Variants in ROR2 observed in about 807,000 individuals in gnomAD.
The protein encoded by ROR2 is tyrosine-protein kinase transmembrane receptor ROR2.
A neutral mutation model predicts 74.9 loss-of-function variants in ROR2; 33 were observed. That is an observed-to-expected ratio of 0.44 (90% CI 0.33 to 0.59). The LOEUF is 0.59. Ranked by LOEUF, ROR2 falls within the 20% of genes least tolerant of loss-of-function variation. The pLI, the probability that ROR2 is intolerant of heterozygous loss-of-function variation, is 0.02. For synonymous variants in ROR2, 586 were observed against 558.7 expected (o/e 1.05, Z -0.69); for missense variants, 1,216 against 1,313.8 (o/e 0.93, Z 1.15).
intron 1 of ROR2, among the ~76,000 whole-genome samples, chr9:91,797,803 C>T (rs1180661312): frequency 2.9e-5 from 1 of 33,960 alleles, no homozygotes; most frequent in Non-Finnish European, 4.9e-5. Flanking sequence ...GTGGGTGGGG[C>T]TGACACCCTG....
At chr9:91,755,632 T>C (rs989958516) in intron 4 of ROR2, among the ~76,000 whole-genome samples, 2 of 152,182 alleles carry the variant, frequency 1.3e-5, no homozygotes, top group African/African-American at 4.8e-5. Flanking sequence ...ATCTGCAAGG[T>C]GGGGTTGAGA....
chr9:91,844,189 C>T (rs769475576), intron 1 of ROR2, among the ~76,000 whole-genome samples: 2 of 152,176 alleles, frequency 1.3e-5, no homozygotes, highest in Non-Finnish European at 1.5e-5. Flanking sequence ...AGTTCCCTAC[C>T]GTTTCTTAAA....
chr9:91,766,292 T>C (rs1237166196), intron 2 of ROR2, among the ~76,000 whole-genome samples: 1 of 152,246 alleles, frequency 6.6e-6, no homozygotes, highest in Non-Finnish European at 1.5e-5. Context: ...AAAATTGGGC[T>C]GTTCTCCAAA....
intron 1 of ROR2, among the ~76,000 whole-genome samples, chr9:91,867,148 A>G (rs901420324): frequency 1.3e-5 from 2 of 152,190 alleles, no homozygotes; most frequent in African/African-American, 4.8e-5. Context: ...TGAACTTAAC[A>G]TAGTCCCAAA....
intron 1 of ROR2, among the ~76,000 whole-genome samples, chr9:91,942,940 C>T (rs971041624): frequency 6.6e-6 from 1 of 152,164 alleles, no homozygotes; most frequent in Non-Finnish European, 1.5e-5. Context: ...TTTTAGGTCA[C>T]CCCGTTTATG....
chr9:91,935,007 G>A (rs929244122), intron 1 of ROR2, among the ~76,000 whole-genome samples: 1 of 152,100 alleles, frequency 6.6e-6, no homozygotes, highest in African/African-American at 2.4e-5. Context: ...ACATAATTAC[G>A]TTCTTGACAG....
intron 1 of ROR2, among the ~76,000 whole-genome samples, chr9:91,805,732 C>G (rs1366231868): frequency 1.3e-5 from 2 of 152,174 alleles, no homozygotes; most frequent in African/African-American, 4.8e-5. Flanking sequence ...CACATATGCA[C>G]ACCTTTCAAC....
intron 1 of ROR2, among the ~76,000 whole-genome samples, chr9:91,791,766 C>T (rs1390888783): frequency 6.6e-6 from 1 of 152,058 alleles, no homozygotes. Context: ...GACCCAAGTG[C>T]AGAATGTATG....
chr9:91,906,747 T>C (rs889558656), intron 1 of ROR2, among the ~76,000 whole-genome samples: 4 of 152,190 alleles, frequency 2.6e-5, no homozygotes, highest in African/African-American at 9.7e-5. Context: ...TGGTTTGCAG[T>C]AGCTGGAGGG....
chr9:91,842,481 G>T (rs1238994454), intron 1 of ROR2, among the ~76,000 whole-genome samples: 6 of 152,232 alleles, frequency 3.9e-5, no homozygotes, highest in African/African-American at 1.2e-4. Flanking sequence ...GCCCTTGGGG[G>T]CCGTGTCCTC....
intron 1 of ROR2, among the ~76,000 whole-genome samples, chr9:91,813,130 T>A (rs895917313): frequency 3.3e-5 from 5 of 151,266 alleles, no homozygotes; most frequent in Non-Finnish European, 4.4e-5. Flanking sequence ...AAAAAAAAAA[T>A]AAAAATTCTG....
intron 1 of ROR2, among the ~76,000 whole-genome samples, chr9:91,815,234 T>C (rs768216097): frequency 6.6e-6 from 1 of 152,224 alleles, no homozygotes; most frequent in Non-Finnish European, 1.5e-5. Flanking sequence ...ATAAATGATA[T>C]GCATTACATT....
intron 4 of ROR2, among the ~76,000 whole-genome samples, chr9:91,741,341 T>TAATAAA (rs1554754480): frequency 6.8e-5 from 9 of 132,934 alleles, no homozygotes; most frequent in Non-Finnish European, 9.9e-5. Context: ...ATAATAATAA[T>TAATAAA]AAAATAATGA....
chr9:91,755,385 G>C (rs1429504275), intron 4 of ROR2, among the ~76,000 whole-genome samples: 3 of 152,216 alleles, frequency 2.0e-5, no homozygotes, highest in African/African-American at 2.4e-5. Context: ...CAATATGTCT[G>C]AGGAGGAAAT....
At chr9:91,770,914 C>T (rs940558782) in intron 2 of ROR2, among the ~76,000 whole-genome samples, 5 of 152,196 alleles carry the variant, frequency 3.3e-5, no homozygotes, top group Admixed American at 2.6e-4. Context: ...ATATGACCTA[C>T]ATGAACTGGG....
intron 1 of ROR2, among the ~76,000 whole-genome samples, chr9:91,825,044 T>C (rs1233737836): frequency 6.6e-6 from 1 of 152,224 alleles, no homozygotes; most frequent in Non-Finnish European, 1.5e-5. Flanking sequence ...AATGTTTCTT[T>C]GTGGCCTTAA....
intron 1 of ROR2, among the ~76,000 whole-genome samples, chr9:91,786,405 A>C (rs776589329): frequency 1.3e-5 from 2 of 152,082 alleles, no homozygotes; most frequent in African/African-American, 2.4e-5. Flanking sequence ...TAGAGAATCC[A>C]CTTCCAGAGT....
At chr9:91,880,756 C>T (rs77575942) in intron 1 of ROR2, among the ~76,000 whole-genome samples, 4,334 of 152,308 alleles carry the variant, frequency 0.028, 104 homozygotes, top group East Asian at 0.075. Flanking sequence ...TACAAAATAA[C>T]CTGCCTGCAC....
intron 2 of ROR2, among the ~76,000 whole-genome samples, chr9:91,770,825 A>T (rs1826203269): frequency 6.6e-6 from 1 of 152,190 alleles, no homozygotes; most frequent in Admixed American, 6.5e-5. Flanking sequence ...GTTAAACCTA[A>T]CAAACTATCA....
Sources: gnomAD v4.1 joint callset for allele counts (sites outside exome capture counted in the v4.1 genomes callset) on GRCh38, gnomAD v4.1.1 for gene constraint, MANE v1.5 for transcripts, NCBI Gene and HGNC (gene_info 2026-07-23, HGNC 2026-07-21) for gene names.